The following HIVEP3 variants were observed in gnomAD, a reference collection of about 807,000 sequenced individuals.
The protein encoded by HIVEP3 is transcription factor HIVEP3.
HIVEP3 carries 49 observed loss-of-function variants against 152.8 expected under a neutral mutation model. That is an observed-to-expected ratio of 0.32 (90% CI 0.26 to 0.41). The LOEUF (loss-of-function observed/expected upper bound fraction) is 0.41. Ranked by LOEUF, HIVEP3 falls within the 10% of genes least tolerant of loss-of-function variation. The pLI, the probability that HIVEP3 is intolerant of heterozygous loss-of-function variation, is 1.00. For missense variants in HIVEP3, 2,790 were observed against 3,103.3 expected, an observed-to-expected ratio of 0.90 and a Z score of 2.40; for synonymous variants, 1,269 against 1,289.0, an observed-to-expected ratio of 0.98 and a Z score of 0.33.
chr1:41,544,612 C>CCACCACCACTATCAT (rs1558045243), intron 5 of HIVEP3, among the ~76,000 whole-genome samples: 18 of 149,956 alleles, frequency 1.2e-4, no homozygotes, highest in African/African-American at 1.0e-4. Flanking sequence ...ACCACCATCA[C>CCACCACCACTATCAT]CGCCACCACT....
chr1:41,653,632 T>C (rs1026568235), intron 2 of HIVEP3, among the ~76,000 whole-genome samples: 1 of 152,228 alleles, frequency 6.6e-6, no homozygotes, highest in Non-Finnish European at 1.5e-5. Flanking sequence ...ATGATGATGA[T>C]GGTTTCCTGC....
At chr1:41,549,173 T>G (rs12240126) in intron 5 of HIVEP3, among the ~76,000 whole-genome samples, 3,605 of 152,268 alleles carry the variant, frequency 0.024, 142 homozygotes, top group African/African-American at 0.08. Flanking sequence ...GGTTTCCAGC[T>G]GCATCCATGT....
intron 1 of HIVEP3, among the ~76,000 whole-genome samples, chr1:41,942,393 G>A (rs1346166529): frequency 6.6e-6 from 1 of 152,172 alleles, no homozygotes; most frequent in Non-Finnish European, 1.5e-5. Flanking sequence ...TTCTATGGAT[G>A]CAAATTAGAA....
At chr1:41,979,939 T>A (rs1438888251) in intron 1 of HIVEP3, among the ~76,000 whole-genome samples, 1 of 152,226 alleles carries the variant, frequency 6.6e-6, no homozygotes, top group Non-Finnish European at 1.5e-5. Context: ...ATTTTAGACT[T>A]GCATTTGGGG....
At chr1:42,014,945 A>C (rs116198335) in intron 1 of HIVEP3, among the ~76,000 whole-genome samples, 3,148 of 151,874 alleles carry the variant, frequency 0.021, 66 homozygotes, top group Non-Finnish European at 0.025. Context: ...ATCTTTCCTT[A>C]CTCCACTCAC....
intron 2 of HIVEP3, among the ~76,000 whole-genome samples, chr1:41,651,950 T>A (rs1645557401): frequency 6.6e-6 from 1 of 152,244 alleles, no homozygotes; most frequent in Non-Finnish European, 1.5e-5. Flanking sequence ...TTTTAGTTAG[T>A]TGATAGAACA....
chr1:41,876,345 G>C (rs1283445567), intron 1 of HIVEP3, among the ~76,000 whole-genome samples: 1 of 152,102 alleles, frequency 6.6e-6, no homozygotes, highest in African/African-American at 2.4e-5. Context: ...AGACTGCAGG[G>C]CCTGGGTTCA....
intron 1 of HIVEP3, among the ~76,000 whole-genome samples, chr1:41,995,926 T>C (rs1219751212): frequency 2.0e-5 from 3 of 152,212 alleles, no homozygotes; most frequent in African/African-American, 7.2e-5. Context: ...ATGTTTTGCC[T>C]TGGTTCACGT....
chr1:41,824,875 G>C (rs1205787823), intron 1 of HIVEP3, among the ~76,000 whole-genome samples: 1 of 150,610 alleles, frequency 6.6e-6, no homozygotes, highest in Non-Finnish European at 1.5e-5. Flanking sequence ...GAGACAGAGA[G>C]AGAAAGAGAG....
chr1:41,584,566 G>T lies in HIVEP3; in HGVS notation c.232C>A (p.Gln78Lys). Residue 78 changes from glutamine (Q) to lysine (K), a missense_variant, in exon 4 of 9, where the codon CAG becomes AAG. Transcript: ENST00000372583. This position sits in a 1 kb window ranked among gnomAD's most constrained non-coding sequence, Gnocchi z 5.2. ...ATGGGGGGCCTTTTGGGGGGCTTCT[G>T]CTGCTGGCCCGTTTTCTCCTGAGAG... ...EGSQEKTGQQ[Q>K]KPPKRPPIEA... The T allele has an allele frequency of 6.2e-7, 1 of 1,614,164 alleles. No individual in the cohort carries two copies. Among genetic ancestry groups the T allele is most frequent in the Non-Finnish European group, 8.5e-7 (1 of 1,180,012 alleles).
intron 1 of HIVEP3, among the ~76,000 whole-genome samples, chr1:41,815,961 G>A (rs1367861837): frequency 2.6e-5 from 4 of 152,068 alleles, no homozygotes; most frequent in African/African-American, 9.7e-5. Flanking sequence ...AACCACTGAA[G>A]CCCACGTGCC....
intron 6 of HIVEP3, among the ~76,000 whole-genome samples, chr1:41,520,558 C>T (rs1642734702): frequency 6.6e-6 from 1 of 152,160 alleles, no homozygotes. Context: ...CAGAGATACC[C>T]ACTGTCCTAA....
Position 41,580,613 on chromosome 1 carries a change from G to C in HIVEP3, c.4185C>G (p.Tyr1395Ter), listed in dbSNP as rs763630304. The C allele has an allele frequency of 6.2e-7, 1 of 1,614,166 alleles. No homozygotes were observed. Residue 1395 changes from tyrosine to a stop codon, truncating the protein, a stop_gained, in exon 4 of 9, where the codon TAC becomes TAG. Coordinates refer to ENST00000372583, the MANE Select transcript of HIVEP3 (RefSeq NM_024503.5). LOFTEE classifies it high-confidence loss of function. The part of the protein sequence containing the change: ...EEQSRAFPTP[Y>*]LRVPVTLPER... ...CAGGTAATGTCACAGGCACTCTCAG[G>C]TATGGAGTTGGGAAAGCTCTGCTTT...
chr1:41,813,716 C>A (rs1651100411), intron 1 of HIVEP3, among the ~76,000 whole-genome samples: 1 of 152,134 alleles, frequency 6.6e-6, no homozygotes, highest in Non-Finnish European at 1.5e-5. Context: ...ACATGAGAGA[C>A]CATTAAAGGA....
chr1:41,865,207 T>A (rs945397584), intron 1 of HIVEP3, among the ~76,000 whole-genome samples: 4 of 152,206 alleles, frequency 2.6e-5, no homozygotes, highest in Non-Finnish European at 1.5e-5. Flanking sequence ...TTTATAATAG[T>A]CACAGCCACA....
At position 41,681,383 on chromosome 1, in the gene HIVEP3, C is replaced by T. The variant is rs577326807; in HGVS notation, c.-721+19533G>A. ...TGCTGGGATTGCATCCGTGCAGCAC[C>T]GTGCTGAGCCTGATCTGTGTGTTTT... is the stretch of plus-strand genomic sequence containing the variant. On this transcript the variant is annotated intron_variant, in intron 2 of 8. Coordinates refer to ENST00000372583, the MANE Select transcript of HIVEP3 (RefSeq NM_024503.5). 6.6e-5 allele frequency among the ~76,000 whole-genome samples: 10 copies of T among 152,320 alleles called. No homozygotes were observed. In the East Asian group the frequency reaches 7.7e-4, roughly 12 times the overall value.
chr1:41,972,625 T>C (rs1429032072), intron 1 of HIVEP3, among the ~76,000 whole-genome samples: 2 of 152,070 alleles, frequency 1.3e-5, no homozygotes, highest in Non-Finnish European at 2.9e-5. Flanking sequence ...ACTTTAAGAG[T>C]CATGGAAAGC....
At chr1:41,824,326 C>T (rs532564467) in intron 1 of HIVEP3, among the ~76,000 whole-genome samples, 7 of 152,276 alleles carry the variant, frequency 4.6e-5, no homozygotes, top group Non-Finnish European at 8.8e-5. Flanking sequence ...TTACTTTCCA[C>T]AGTTCCTTCT....
chr1:41,914,158 C>T (rs1017257453), intron 1 of HIVEP3, among the ~76,000 whole-genome samples: 8 of 152,194 alleles, frequency 5.3e-5, no homozygotes, highest in Admixed American at 6.5e-5. Flanking sequence ...CATTGTTGTC[C>T]TGCCTCCCAA....
Sources: gnomAD v4.1 joint callset for allele counts (sites outside exome capture counted in the v4.1 genomes callset) on GRCh38, gnomAD v4.1.1 for gene constraint, Gnocchi (gnomAD v3.1) non-coding constraint, MANE v1.5 for transcripts, NCBI Gene and HGNC (gene_info 2026-07-23, HGNC 2026-07-21) for gene names.